The following DENND3 variants were observed in gnomAD, a reference collection of about 807,000 sequenced individuals.
DENND3 encodes the protein DENN domain containing 3.
A neutral mutation model predicts 135.1 loss-of-function variants in DENND3; 88 were observed. The observed-to-expected ratio is 0.65, with a 90% confidence interval of 0.55 to 0.78. The LOEUF (loss-of-function observed/expected upper bound fraction) is 0.78. Ranked by LOEUF, DENND3 falls within the 30% of genes least tolerant of loss-of-function variation. The probability of loss-of-function intolerance (pLI) is 0.00; values close to 1 mark genes in which losing one functional copy is unlikely to be tolerated. For synonymous variants in DENND3, 693 were observed against 712.3 expected, an observed-to-expected ratio of 0.97 and a Z score of 0.43; for missense variants, 1,392 against 1,688.4, an observed-to-expected ratio of 0.82 and a Z score of 3.08.
chr8:141,165,546 C>G (rs1820675983), intron 11 of DENND3, among the ~76,000 whole-genome samples: 1 of 151,496 alleles, frequency 6.6e-6, no homozygotes, highest in Admixed American at 6.6e-5. Context: ...CTCACTGCAA[C>G]CTCCGCCTCC....
At chr8:141,142,679 C>T (rs1589557944) in intron 4 of DENND3, 4 of 249,616 alleles carry the variant, frequency 1.6e-5, no homozygotes, top group Admixed American at 5.2e-5. Context: ...CTGTCACCAG[C>T]GCCCAGGAAG....
At position 141,141,918 on chromosome 8, in the gene DENND3, C is replaced by T. The variant is rs1048234403; in HGVS notation, c.623+594C>T. 1 of 194,352 alleles carries T rather than the reference C, an allele frequency of 5.1e-6. No homozygotes were observed. Among genetic ancestry groups the T allele is most frequent in the South Asian group, 7.7e-5 (1 of 13,034 alleles). The allele number at this position is 194,352 out of a possible 1,614,324, so 12.0% of individuals were successfully genotyped here. On this transcript the variant is annotated intron_variant, in intron 4 of 22. Coordinates refer to ENST00000519811, the MANE Select transcript of DENND3 (RefSeq NM_001352890.3). The surrounding 1 kb of genome is among the most constrained non-coding windows in gnomAD (Gnocchi z 5.3). Reference sequence around the variant, plus strand: ...AACTAGTTGGGCATGGTGGTGTGTGCCTGTAGTCCCAGCTACTGGGAAGGC... The same window carrying T: ...AACTAGTTGGGCATGGTGGTGTGTGTCTGTAGTCCCAGCTACTGGGAAGGC...
In DENND3 at chr8:141,182,623, G is replaced by C; in HGVS notation, c.2944+1769G>C. On this transcript the variant is annotated intron_variant, in intron 17 of 22. Transcript: ENST00000519811. The surrounding 1 kb of genome is among the most constrained non-coding windows in gnomAD (Gnocchi z 5.9). ...GCAGAGAGCGTGCAAAGCAGCCGTG[G>C]GGAATGGGGAAACCGCCTTTTCCTG... 1 of 456,764 alleles carries C rather than the reference G, an allele frequency of 2.2e-6. No homozygotes were observed. Among genetic ancestry groups the C allele is most frequent in the Non-Finnish European group, 2.9e-6 (1 of 347,670 alleles). The allele number at this position is 456,764 out of a possible 1,614,324, so 28.3% of individuals were successfully genotyped here.
At position 141,194,182 on chromosome 8, in the gene DENND3, G is replaced by A. The variant is rs1252930772; in HGVS notation, c.3786G>A (p.Leu1262=). The A allele has an allele frequency of 6.2e-7, 1 of 1,613,630 alleles. No homozygotes were observed. Among genetic ancestry groups the A allele is most frequent in the Non-Finnish European group, 8.5e-7 (1 of 1,179,978 alleles). ...TLCSAEDRYV[L]SGSGREEGKV... ...GCTCGGCTGAGGACAGATACGTGCT[G>A]AGTGGGTCGGGCAGGGAGGAGGGGA... The change falls in exon 23 of 23, where the codon CTG becomes CTA. Residue 1262 remains leucine (L), a synonymous_variant. Coordinates refer to ENST00000519811, the MANE Select transcript of DENND3 (RefSeq NM_001352890.3).
chr8:141,149,403 T>C (rs1569555596), intron 5 of DENND3, among the ~76,000 whole-genome samples: 1 of 152,252 alleles, frequency 6.6e-6, no homozygotes, highest in Non-Finnish European at 1.5e-5. Context: ...TATGGCATAC[T>C]ACTGGTCATA....
At chr8:141,186,304 C>CTCTGCAGTG (rs1569556899) in intron 18 of DENND3, among the ~76,000 whole-genome samples, 1 of 152,124 alleles carries the variant, frequency 6.6e-6, no homozygotes, top group African/African-American at 2.4e-5. Context: ...AGACAGCTGC[C>CTCTGCAGTG]TCTGCAGTGA....
Position 141,182,119 on chromosome 8 carries a change from CTTTG to C in DENND3, c.2944+1272_2944+1275del, listed in dbSNP as rs200682660. Among the ~76,000 whole-genome samples, 3,213 of 152,250 alleles carry C rather than the reference CTTTG, an allele frequency of 0.021. 115 individuals carry two copies. Among genetic ancestry groups the C allele is most frequent in the African/African-American group, 0.072 (2,993 of 41,504 alleles). On this transcript the variant is annotated intron_variant, in intron 17 of 22. Coordinates refer to ENST00000519811, the MANE Select transcript of DENND3 (RefSeq NM_001352890.3). This position sits in a 1 kb window ranked among gnomAD's most constrained non-coding sequence, Gnocchi z 5.9. ...CCAGAAGGGATTTTTAAAATTGTCACTTTGTTTGTTGCATCTGCGTCTGCAGGTG... is the reference window on the plus strand; with the variant it reads ...CCAGAAGGGATTTTTAAAATTGTCACTTTGTTGCATCTGCGTCTGCAGGTG...
chr8:141,170,072 G>T (rs1240436155), intron 13 of DENND3, among the ~76,000 whole-genome samples: 1 of 152,230 alleles, frequency 6.6e-6, no homozygotes, highest in East Asian at 1.9e-4. Context: ...CTCGCCCGTT[G>T]TGAGCCTGCA....
At position 141,188,739 on chromosome 8, in the gene DENND3, G is replaced by A. The variant is rs149587812; in HGVS notation, c.3085-247G>A. ...GACAGTGCTGGCGGCCGTGGGTTTCGTGTTAATGAATCAATCATACGTAGT... is the reference window on the plus strand; with the variant it reads ...GACAGTGCTGGCGGCCGTGGGTTTCATGTTAATGAATCAATCATACGTAGT... On this transcript the variant is annotated intron_variant, in intron 18 of 22. Transcript: ENST00000519811. 1.9e-3 allele frequency: 896 copies of A among 471,758 alleles called. 5 individuals are homozygous for A. The highest frequency in any genetic ancestry group is 0.016 in the African/African-American group (772 of 48,976). 29.2% of individuals were successfully genotyped at this position (471,758 alleles called of 1,614,324 possible).
rs1022290946 is a variant in DENND3 at position 141,168,688 on chromosome 8, C to T, written c.2275+163C>T. Among the ~76,000 whole-genome samples, 6 of 151,820 alleles carry T rather than the reference C, an allele frequency of 4.0e-5. No individual in the cohort carries two copies. Among genetic ancestry groups the T allele is most frequent in the African/African-American group, 1.2e-4 (5 of 41,318 alleles). On this transcript the variant is annotated intron_variant, in intron 13 of 22. Coordinates refer to ENST00000519811, the MANE Select transcript of DENND3 (RefSeq NM_001352890.3). The surrounding 1 kb of genome is among the most constrained non-coding windows in gnomAD (Gnocchi z 6.2). ...AGCCTCCCGAGTAGCTGGGACTAGA[C>T]TACAGGTACGCGACACCGTGCCCGG...
intron 18 of DENND3, 110 bp from the exon 19 acceptor site, chr8:141,188,876 G>C: frequency 7.1e-7 from 1 of 1,416,992 alleles, no homozygotes; most frequent in Non-Finnish European, 9.4e-7. Context: ...TGTCCCCTAG[G>C]AGCAGTGGTT....
chr8:141,132,361 A>T (rs1472606932), intron 1 of DENND3, among the ~76,000 whole-genome samples: 2 of 151,130 alleles, frequency 1.3e-5, no homozygotes, highest in East Asian at 1.9e-4. Flanking sequence ...TATATTTATT[A>T]TTTTTTTTTG....
rs989896377 is a variant in DENND3 at position 141,144,695 on chromosome 8, C to T, written c.735+436C>T. Reference sequence around the variant, plus strand: ...AGACACGCCTTGTTATGCCCGCTCCCTTTTGGAGTTTAGGCACAGCTGACC... The same window carrying T: ...AGACACGCCTTGTTATGCCCGCTCCTTTTTGGAGTTTAGGCACAGCTGACC... On this transcript the variant is annotated intron_variant, in intron 5 of 22. Coordinates refer to ENST00000519811, the MANE Select transcript of DENND3 (RefSeq NM_001352890.3). This position sits in a 1 kb window ranked among gnomAD's most constrained non-coding sequence, Gnocchi z 4.4. 2.6e-5 allele frequency among the ~76,000 whole-genome samples: 4 copies of T among 152,194 alleles called. No homozygotes were observed. The highest frequency in any genetic ancestry group is 9.7e-5 in the African/African-American group (4 of 41,448).
In DENND3 at chr8:141,141,510, T is replaced by C; in HGVS notation, c.623+186T>C. 1.6e-6 allele frequency: 1 copy of C among 607,904 alleles called. No homozygotes were observed. Among genetic ancestry groups the C allele is most frequent in the Non-Finnish European group, 2.7e-6 (1 of 367,026 alleles). The allele number at this position is 607,904 out of a possible 1,614,324, so 37.7% of individuals were successfully genotyped here. A position where few individuals can be genotyped will look rare whatever the true frequency, so the allele number is the denominator to read the frequency against. ...TTCTCTGTGCCTCTTAGGCTGTTGC[T>C]TAAGGCTGGGGGCAGTGGGCAGGGG... On this transcript the variant is annotated intron_variant, in intron 4 of 22. Coordinates refer to ENST00000519811, the MANE Select transcript of DENND3 (RefSeq NM_001352890.3). The surrounding 1 kb of genome is among the most constrained non-coding windows in gnomAD (Gnocchi z 5.3).
Position 141,194,364 on chromosome 8 carries a change from A to T in DENND3, c.*131A>T. On this transcript the variant is annotated 3_prime_UTR_variant, in exon 23 of 23. Coordinates refer to ENST00000519811, the MANE Select transcript of DENND3 (RefSeq NM_001352890.3). ...CCCAGGCTCAGCATGGAGCCCACTT[A>T]CCGTGTGGCCAGCCGCGAGACCCAT... The T allele has an allele frequency of 8.8e-7, 1 of 1,140,458 alleles. No homozygotes were observed. Among genetic ancestry groups the T allele is most frequent in the Non-Finnish European group, 1.2e-6 (1 of 810,616 alleles). The allele number at this position is 1,140,458 out of a possible 1,614,324, so 70.6% of individuals were successfully genotyped here.
At position 141,182,466 on chromosome 8, in the gene DENND3, G is replaced by C. The variant is rs1438041151; in HGVS notation, c.2944+1612G>C. ...ATGACTCCACAGACCAAGATACTTT[G>C]ACCGTGGCATTTGAATACATGGTAT... is the stretch of plus-strand genomic sequence containing the variant. On this transcript the variant is annotated intron_variant, in intron 17 of 22. Transcript: ENST00000519811. The surrounding 1 kb of genome is among the most constrained non-coding windows in gnomAD (Gnocchi z 5.9). The C allele has an allele frequency of 1.0e-6, 1 of 985,304 alleles. No homozygotes were observed. Among genetic ancestry groups the C allele is most frequent in the African/African-American group, 1.7e-5 (1 of 57,236 alleles). The allele number at this position is 985,304 out of a possible 1,614,324, so 61.0% of individuals were successfully genotyped here. A position where few individuals can be genotyped will look rare whatever the true frequency, so the allele number is the denominator to read the frequency against.
In DENND3 at chr8:141,136,720, C is replaced by A; in HGVS notation, c.314C>A (p.Ala105Glu). The A allele has an allele frequency of 6.2e-7, 1 of 1,610,560 alleles. No homozygotes were observed. Reference protein sequence around the residue: ...QWKGLPGPPRAPEPEDVAVPG... With the variant: ...QWKGLPGPPREPEPEDVAVPG... ...AAGGGCCTCCCGGGGCCCCCCAGAG[C>A]GCCAGAGCCTGAGGATGTCGCCGTC... The change falls in exon 2 of 23, where the codon GCG becomes GAG. Residue 105 changes from alanine to glutamate, a missense_variant. By Grantham distance (107) the Ala-to-Glu change is moderately radical. Coordinates refer to ENST00000519811, the MANE Select transcript of DENND3 (RefSeq NM_001352890.3).
rs1460232986 is a variant in DENND3 at position 141,144,850 on chromosome 8, G to A, written c.735+591G>A. ...AAGTCACTCCCTACAAACCATAAGA[G>A]CTCCTTAAACAGGTATAATGTAGCT... On this transcript the variant is annotated intron_variant, in intron 5 of 22. Transcript: ENST00000519811. This position sits in a 1 kb window ranked among gnomAD's most constrained non-coding sequence, Gnocchi z 4.4. 1.3e-5 allele frequency among the ~76,000 whole-genome samples: 2 copies of A among 152,136 alleles called. No homozygotes were observed. The highest frequency in any genetic ancestry group is 1.3e-4 in the Admixed American group (2 of 15,282).
Position 141,155,853 on chromosome 8 carries a change from C to A in DENND3, c.1079C>A (p.Ala360Asp). 1 of 1,585,778 alleles carries A rather than the reference C, an allele frequency of 6.3e-7. No individual in the cohort carries two copies. Among genetic ancestry groups the A allele is most frequent in the Non-Finnish European group, 8.6e-7 (1 of 1,164,782 alleles). Residue 360 changes from alanine (A) to aspartate (D), a missense_variant, in exon 8 of 23, where the codon GCC becomes GAC. Coordinates refer to ENST00000519811, the MANE Select transcript of DENND3 (RefSeq NM_001352890.3). ...LDHFEEVSKE[A>D]DGLVLINIDH... ...AGATGATTCCTTGTTTTCTAGGAAG[C>A]CGACGGTTTAGTTCTGATAAATATT...
Sources: gnomAD v4.1 joint callset for allele counts (sites outside exome capture counted in the v4.1 genomes callset) on GRCh38, gnomAD v4.1.1 for gene constraint, Gnocchi (gnomAD v3.1) non-coding constraint, MANE v1.5 for transcripts, NCBI Gene and HGNC (gene_info 2026-07-23, HGNC 2026-07-21) for gene names.